HSD17B7: variants seen among roughly 807,000 people sequenced by gnomAD.
The protein encoded by HSD17B7 is 3-keto-steroid reductase/17-beta-hydroxysteroid dehydrogenase 7.
Under a neutral mutation model 34.1 loss-of-function variants are expected in HSD17B7, and 17 were observed. The observed-to-expected ratio is 0.50, with a 90% CI of 0.34 to 0.75. The LOEUF is 0.75. HSD17B7 is among the 30% of genes least tolerant of loss of function. The probability of loss-of-function intolerance (pLI) is 0.01; values close to 1 mark genes in which losing one functional copy is unlikely to be tolerated. For missense variants in HSD17B7, 296 were observed against 406.6 expected, an observed-to-expected ratio of 0.73 and a Z score of 2.34; for synonymous variants, 122 against 154.6, an observed-to-expected ratio of 0.79 and a Z score of 1.56.
rs369041897 is a variant in HSD17B7 at position 162,804,263 on chromosome 1, G to T, written c.748-4G>T. The T allele has an allele frequency of 2.5e-6, 4 of 1,605,232 alleles. No homozygotes were observed. Among genetic ancestry groups the T allele is most frequent in the Middle Eastern group, 1.7e-4 (1 of 6,012 alleles). On this transcript the variant is annotated splice_region_variant and splice_polypyrimidine_tract_variant and intron_variant, in intron 6 of 8. Coordinates refer to ENST00000254521, the MANE Select transcript of HSD17B7 (RefSeq NM_016371.4). ...AAAAATAACAGTTGTTTTCTTTTCC[G>T]CAGCTTCGCTTTTTTGCAAATGCAT...
At chr1:162,806,347 G>A (rs4656381) in intron 8 of HSD17B7, among the ~76,000 whole-genome samples, 41,980 of 151,946 alleles carry the variant, frequency 0.28, 6,247 homozygotes, top group Non-Finnish European at 0.33. Flanking sequence ...AGTTAAAAGG[G>A]GAGCCATGCA....
At chr1:162,810,374 G>A (rs1438284790) in intron 8 of HSD17B7, among the ~76,000 whole-genome samples, 1 of 152,166 alleles carries the variant, frequency 6.6e-6, no homozygotes, top group Non-Finnish European at 1.5e-5. Flanking sequence ...TTCCAACTAT[G>A]TGGTCAATTT....
rs548069376 is a variant in HSD17B7 at position 162,790,731 on chromosome 1, C to T, written c.-70C>T. On this transcript the variant is annotated 5_prime_UTR_variant, in exon 1 of 9. Coordinates refer to ENST00000254521, the MANE Select transcript of HSD17B7 (RefSeq NM_016371.4). ...TCTGATTGGTGACGGGTGAGGCGGC[C>T]CGAAATCGTAGGACTTCCGAAAGCA... 3.9e-6 allele frequency: 4 copies of T among 1,029,512 alleles called. No individual in the cohort carries two copies. The South Asian group carries it at 4.1e-5, about 11-fold the overall frequency. 63.8% of individuals were successfully genotyped at this position (1,029,512 alleles called of 1,614,324 possible). A position where few individuals can be genotyped will look rare whatever the true frequency, so the allele number is the denominator to read the frequency against.
chr1:162,804,216 G>T, intron 6 of HSD17B7, 51 bp from the exon 7 acceptor site: 1 of 1,325,704 alleles, frequency 7.5e-7, no homozygotes, highest in East Asian at 2.3e-5. Context: ...TAATTCTTTC[G>T]TGACTCTATT....
chr1:162,811,029 G>C (rs1390204410), intron 8 of HSD17B7, among the ~76,000 whole-genome samples: 5 of 152,358 alleles, frequency 3.3e-5, no homozygotes, highest in Admixed American at 3.3e-4. Flanking sequence ...AGTTGATGCA[G>C]TTTCTTCCTA....
chr1:162,793,031 CT>C (rs201857530), intron 2 of HSD17B7, 169 bp downstream of exon 2: 612 of 352,590 alleles, frequency 1.7e-3, no homozygotes, highest in African/African-American at 7.0e-3. Context: ...CGTTTTCTTT[CT>C]TTTTTTTTTT....
At chr1:162,810,466 C>T (rs546334333) in intron 8 of HSD17B7, among the ~76,000 whole-genome samples, 15 of 152,302 alleles carry the variant, frequency 9.8e-5, no homozygotes, top group African/African-American at 3.4e-4. Flanking sequence ...TCTATTAGGT[C>T]TGATTGGTGC....
chr1:162,812,062 C>T (rs1403240083), intron 8 of HSD17B7, among the ~76,000 whole-genome samples: 2 of 152,170 alleles, frequency 1.3e-5, no homozygotes, highest in African/African-American at 4.8e-5. Context: ...TAGCAAAACT[C>T]AGATCTTTCA....
Position 162,790,842 on chromosome 1 carries a change from C to T in HSD17B7, c.35+7C>T. On this transcript the variant is annotated splice_region_variant and intron_variant, in intron 1 of 8. Transcript: ENST00000254521. ...TGATCACCGGGGCTAGCAGGTGAGG[C>T]CTCCTTTGGGTTGGCAGAGGCGGCA... 1 of 1,609,022 alleles carries T rather than the reference C, an allele frequency of 6.2e-7. No individual in the cohort carries two copies. Among genetic ancestry groups the T allele is most frequent in the Non-Finnish European group, 8.5e-7 (1 of 1,175,592 alleles).
chr1:162,794,536 C>A (rs1244043504), intron 2 of HSD17B7, among the ~76,000 whole-genome samples: 1 of 152,076 alleles, frequency 6.6e-6, no homozygotes, highest in Admixed American at 6.5e-5. Context: ...TATTCCATAT[C>A]CCCTACTCCT....
Position 162,792,792 on chromosome 1 carries a change from G to A in HSD17B7, c.169G>A (p.Val57Ile), listed in dbSNP as rs770185985. The part of the protein sequence containing the change: ...ALLASHPTAE[V>I]TIVQVDVSNL... ...GCTGGCCTCTCACCCCACTGCTGAG[G>A]TCACCATTGTCCAGGTGGATGTCAG... The change falls in exon 2 of 9, where the codon GTC becomes ATC. Residue 57 changes from valine (V) to isoleucine (I), a missense_variant. By Grantham distance (29) the Val-to-Ile change is conservative. Transcript: ENST00000254521. 20 of 1,614,082 alleles carry A rather than the reference G, an allele frequency of 1.2e-5. No homozygotes were observed. The highest frequency in any genetic ancestry group is 1.6e-5 in the Non-Finnish European group (19 of 1,180,040).
intron 5 of HSD17B7, among the ~76,000 whole-genome samples, chr1:162,801,240 G>C (rs1396946101): frequency 3.3e-5 from 5 of 152,206 alleles, no homozygotes; most frequent in African/African-American, 1.2e-4. Flanking sequence ...CTCCCAAAAT[G>C]CTGGGATTAC....
intron 5 of HSD17B7, among the ~76,000 whole-genome samples, chr1:162,802,656 G>A (rs2102234567): frequency 6.6e-6 from 1 of 152,122 alleles, no homozygotes; most frequent in East Asian, 1.9e-4. Flanking sequence ...ATAAAAATGA[G>A]TTAAAATAGT....
rs61812976 is a variant in HSD17B7 at position 162,808,270 on chromosome 1, A to G, written c.903+2778A>G. Among the ~76,000 whole-genome samples the G allele has an allele frequency of 2.2e-3, 330 of 152,004 alleles. 2 individuals are homozygous for G. The highest frequency in any genetic ancestry group is 3.6e-3 in the Non-Finnish European group (245 of 68,030). ...TTTTGTCAGGTTTGTCAAAGATCAG[A>G]TGGTTGTAGATATGCAGCATTATTT... On this transcript the variant is annotated intron_variant, in intron 8 of 8. Coordinates refer to ENST00000254521, the MANE Select transcript of HSD17B7 (RefSeq NM_016371.4).
intron 1 of HSD17B7, among the ~76,000 whole-genome samples, chr1:162,791,683 G>A (rs567602503): frequency 1.6e-3 from 236 of 149,556 alleles, no homozygotes; most frequent in Non-Finnish European, 2.7e-3. Context: ...CCGTTGATTG[G>A]TGCTTCTTAT....
intron 8 of HSD17B7, among the ~76,000 whole-genome samples, chr1:162,810,740 AG>A (rs1295232990): frequency 6.6e-6 from 1 of 152,084 alleles, no homozygotes; most frequent in Non-Finnish European, 1.5e-5. Flanking sequence ...GTTGGTTTAA[AG>A]TCTGTTTTAT....
chr1:162,806,573 A>G (rs1386846447), intron 8 of HSD17B7, among the ~76,000 whole-genome samples: 1 of 152,228 alleles, frequency 6.6e-6, no homozygotes, highest in East Asian at 1.9e-4. Flanking sequence ...CAGTTAAGAA[A>G]TGTGTGTGAA....
At chr1:162,801,255 C>T (rs115850592) in intron 5 of HSD17B7, among the ~76,000 whole-genome samples, 2,978 of 152,282 alleles carry the variant, frequency 0.02, 51 homozygotes, top group Middle Eastern at 0.041. Flanking sequence ...GATTACAGCA[C>T]TTGCGCCCAG....
intron 8 of HSD17B7, among the ~76,000 whole-genome samples, chr1:162,806,712 T>C (rs1006575992): frequency 6.6e-6 from 1 of 152,240 alleles, no homozygotes; most frequent in African/African-American, 2.4e-5. Flanking sequence ...GCAGGGTGTA[T>C]TTGAACTTAC....
Sources: allele counts gnomAD v4.1 joint callset (sites outside exome capture counted in the v4.1 genomes callset), GRCh38; gene constraint gnomAD v4.1.1; transcripts MANE v1.5; gene names NCBI Gene and HGNC (gene_info 2026-07-23, HGNC 2026-07-21).